Variants in PPP1R8 observed in about 807,000 individuals in gnomAD.
PPP1R8 encodes protein phosphatase 1 regulatory subunit 8.
In PPP1R8, 4 loss-of-function variants were observed where a neutral mutation model predicts 31.3. The observed-to-expected ratio is 0.13, with a 90% CI of 0.06 to 0.29. PPP1R8 has a LOEUF of 0.29. Ranked by LOEUF, PPP1R8 falls within the 10% of genes least tolerant of loss-of-function variation. PPP1R8 has a pLI of 1.00. For missense variants in PPP1R8, 254 were observed against 440.1 expected (o/e 0.58, Z 3.78); for synonymous variants, 170 against 169.7 (o/e 1.00, Z -0.01).
In PPP1R8 at chr1:27,851,325, CT is replaced by C. The variant is rs772314061; in HGVS notation, c.*882del. Reference sequence around the variant, plus strand: ...ATTTTTAGATGTCAGTTTGGAGGCTCTTTCCCCCCTCAATTGAGAGCTCTTG... The same window carrying C: ...ATTTTTAGATGTCAGTTTGGAGGCTCTTCCCCCCTCAATTGAGAGCTCTTG... On this transcript the variant is annotated 3_prime_UTR_variant, in exon 7 of 7. Coordinates refer to ENST00000311772, the MANE Select transcript of PPP1R8 (RefSeq NM_014110.5). 43 of 311,576 alleles carry C rather than the reference CT, an allele frequency of 1.4e-4. No individual in the cohort carries two copies. The highest frequency in any genetic ancestry group is 7.9e-4 in the East Asian group (10 of 12,718). The allele number at this position is 311,576 out of a possible 1,614,324, so 19.3% of individuals were successfully genotyped here.
intron 1 of PPP1R8, chr1:27,831,256 G>T: frequency 9.8e-7 from 1 of 1,015,646 alleles, no homozygotes; most frequent in East Asian, 9.8e-5. Context: ...TGTACGTCCC[G>T]AGCGCGCTCG....
intron 2 of PPP1R8, among the ~76,000 whole-genome samples, chr1:27,835,034 C>T (rs1478364978): frequency 6.6e-6 from 1 of 152,060 alleles, no homozygotes; most frequent in Non-Finnish European, 1.5e-5. Flanking sequence ...AAAATTCATT[C>T]ATTTTAACAT....
Position 27,835,993 on chromosome 1 carries a change from C to T in PPP1R8, c.118-2706C>T, listed in dbSNP as rs556488565. ...GTAATCAGTGCTGAAATTGTGCTTG[C>T]ATGAGGTGTATCTTTTGGTTTTGTA... On this transcript the variant is annotated intron_variant, in intron 2 of 6. Transcript: ENST00000311772. 2.7e-4 allele frequency among the ~76,000 whole-genome samples: 41 copies of T among 152,308 alleles called. No homozygotes were observed. The South Asian group carries it at 8.1e-3, about 30-fold the overall frequency.
chr1:27,848,195 G>A (rs978935128), intron 6 of PPP1R8, among the ~76,000 whole-genome samples: 12 of 152,170 alleles, frequency 7.9e-5, no homozygotes, highest in African/African-American at 2.7e-4. Flanking sequence ...AAGGTCAGGA[G>A]ATCGAGACCA....
At position 27,830,849 on chromosome 1, in the gene PPP1R8, C is replaced by T. The variant is rs1011477052; in HGVS notation, c.14C>T (p.Ala5Val). Residue 5 changes from alanine (A) to valine (V), a missense_variant, in exon 1 of 7, where the codon GCG becomes GTG. This residue lies in a region of PPP1R8 where 38 missense variants were observed against 18.6 expected (regional missense o/e 2.04). Transcript: ENST00000311772. ...GGGAGACGCAAGATGGCGGCAGCCG[C>T]GAACTCCGGCTCTAGCCTCCCGCTG... MAAA[A>V]NSGSSLPLFD... is the part of the protein sequence containing the mutation. The T allele has an allele frequency of 7.0e-6, 11 of 1,576,096 alleles. No homozygotes were observed. The highest frequency in any genetic ancestry group is 9.5e-6 in the Non-Finnish European group (11 of 1,162,018).
chr1:27,834,749 G>A (rs1186811102), intron 2 of PPP1R8, among the ~76,000 whole-genome samples: 4 of 152,006 alleles, frequency 2.6e-5, no homozygotes, highest in South Asian at 2.1e-4. Context: ...GTGCGGTGGC[G>A]GCTCACACCT....
chr1:27,837,518 T>C (rs6685626), intron 2 of PPP1R8, among the ~76,000 whole-genome samples: 20,655 of 150,208 alleles, frequency 0.14, 4,665 homozygotes, highest in African/African-American at 0.47. Context: ...GGTTGGCTCA[T>C]GCTTGTAATC....
At chr1:27,847,223 G>A (rs945074438) in intron 6 of PPP1R8, 131 bp downstream of exon 6, 154 of 870,656 alleles carry the variant, frequency 1.8e-4, no homozygotes, top group African/African-American at 4.3e-4. Flanking sequence ...TCAAGAAATC[G>A]AGGCCAGGCA....
At chr1:27,846,649 C>T (rs2089284168) in intron 5 of PPP1R8, among the ~76,000 whole-genome samples, 1 of 152,112 alleles carries the variant, frequency 6.6e-6, no homozygotes. Context: ...CTTTTCTTTC[C>T]CCTCAAAAGA....
In PPP1R8 at chr1:27,830,818, G is replaced by A; in HGVS notation, c.-18G>A. ...CCGGCGTGCTTAGGGCGCGCCAAAT[G>A]GGAGGGGGAGACGCAAGATGGCGGC... On this transcript the variant is annotated 5_prime_UTR_variant, in exon 1 of 7. The change abolishes an upstream ATG in the 5' untranslated region. Coordinates refer to ENST00000311772, the MANE Select transcript of PPP1R8 (RefSeq NM_014110.5). The A allele has an allele frequency of 6.4e-7, 1 of 1,571,428 alleles. No individual in the cohort carries two copies. Among genetic ancestry groups the A allele is most frequent in the Non-Finnish European group, 8.6e-7 (1 of 1,159,278 alleles).
chr1:27,848,608 A>T (rs999364341), intron 6 of PPP1R8, among the ~76,000 whole-genome samples: 56 of 150,376 alleles, frequency 3.7e-4, no homozygotes, highest in African/African-American at 1.2e-3. Context: ...TACTTTTTAT[A>T]AAAAAAAAAT....
At chr1:27,845,404 AAG>A (rs2089268123) in intron 5 of PPP1R8, among the ~76,000 whole-genome samples, 1 of 151,090 alleles carries the variant, frequency 6.6e-6, no homozygotes, top group Non-Finnish European at 1.5e-5. Context: ...AAAAAAAAGA[AAG>A]AAAGAAAATT....
In PPP1R8 at chr1:27,850,183, G is replaced by A. The variant is rs1243539726; in HGVS notation, c.793G>A (p.Gly265Arg). 13 of 1,614,088 alleles carry A rather than the reference G, an allele frequency of 8.1e-6. No individual in the cohort carries two copies. In the Admixed American group the frequency reaches 8.3e-5, roughly 10 times the overall value. The stretch of plus-strand genomic sequence containing the variant: ...CTTTGCCTTCAGCGGAGGACTCTAC[G>A]GGGGCCTGCCCCCCACACACAGTGA... ...QNFAFSGGLYGGLPPTHSEAG... is the reference protein window; with the variant it reads ...QNFAFSGGLYRGLPPTHSEAG... The change falls in exon 7 of 7, where the codon GGG becomes AGG. Residue 265 changes from glycine to arginine, a missense_variant. Around this residue, in one of 6 missense-constraint regions of PPP1R8, gnomAD observed 105 missense variants for 128.0 expected, o/e 0.82. Coordinates refer to ENST00000311772, the MANE Select transcript of PPP1R8 (RefSeq NM_014110.5).
intron 6 of PPP1R8, among the ~76,000 whole-genome samples, chr1:27,849,801 T>C (rs1571558718): frequency 6.6e-6 from 1 of 151,466 alleles, no homozygotes; most frequent in African/African-American, 2.5e-5. Context: ...TAAATTGATA[T>C]GTTTTACTTT....
chr1:27,850,588 T>A lies in PPP1R8; in HGVS notation c.*142T>A. On this transcript the variant is annotated 3_prime_UTR_variant, in exon 7 of 7. Coordinates refer to ENST00000311772, the MANE Select transcript of PPP1R8 (RefSeq NM_014110.5). ...CTCCTGGCATCCTAACCATGTAATA[T>A]GACAATTGGGGGTGGGGTTGAAATA... The A allele has an allele frequency of 1.3e-6, 1 of 753,792 alleles. No individual in the cohort carries two copies. The highest frequency in any genetic ancestry group is 2.1e-6 in the Non-Finnish European group (1 of 476,832). 46.7% of individuals were successfully genotyped at this position (753,792 alleles called of 1,614,324 possible). A position where few individuals can be genotyped will look rare whatever the true frequency, so the allele number is the denominator to read the frequency against.
Position 27,851,402 on chromosome 1 carries a change from T to TTAG in PPP1R8, c.*957_*959dup. ...TGGCTAACAAACATAGGAGACAAAG[T>TTAG]TAGGAAACATTGATACAAGCTTTGT... On this transcript the variant is annotated 3_prime_UTR_variant, in exon 7 of 7. Coordinates refer to ENST00000311772, the MANE Select transcript of PPP1R8 (RefSeq NM_014110.5). The TTAG allele has an allele frequency of 2.7e-6, 1 of 366,730 alleles. No individual in the cohort carries two copies. The allele number at this position is 366,730 out of a possible 1,614,324, so 22.7% of individuals were successfully genotyped here.
intron 5 of PPP1R8, among the ~76,000 whole-genome samples, chr1:27,845,917 G>A (rs2089275596): frequency 6.6e-6 from 1 of 150,576 alleles, no homozygotes; most frequent in African/African-American, 2.5e-5. Flanking sequence ...AGCGTCCCGA[G>A]TAGCTGGGAC....
In PPP1R8 at chr1:27,835,642, G is replaced by A. The variant is rs143642627; in HGVS notation, c.117+2826G>A. 3.4e-3 allele frequency among the ~76,000 whole-genome samples: 512 copies of A among 152,330 alleles called. 5 individuals carry two copies. Among genetic ancestry groups the A allele is most frequent in the Middle Eastern group, 0.014 (4 of 294 alleles). Reference sequence around the variant, plus strand: ...GCTAAGTGATTGTTTAAGGAAAAGAGTGTGACCCACAGTACTTATTCTCTC... The same window carrying A: ...GCTAAGTGATTGTTTAAGGAAAAGAATGTGACCCACAGTACTTATTCTCTC... On this transcript the variant is annotated intron_variant, in intron 2 of 6. Transcript: ENST00000311772.
At chr1:27,843,505 C>CA (rs2148618402) in intron 5 of PPP1R8, among the ~76,000 whole-genome samples, 175 bp downstream of exon 5, 1 of 152,036 alleles carries the variant, frequency 6.6e-6, no homozygotes, top group African/African-American at 2.4e-5. Context: ...AAAAAAAATA[C>CA]AAAAATTAGC....
Sources: gnomAD v4.1 joint callset for allele counts (sites outside exome capture counted in the v4.1 genomes callset) on GRCh38, gnomAD v4.1.1 for gene constraint, gnomAD v4.1.1 regional missense constraint, MANE v1.5 for transcripts, NCBI Gene and HGNC (gene_info 2026-07-23, HGNC 2026-07-21) for gene names.